Variants in KCNH1 observed in about 807,000 individuals in gnomAD.
KCNH1 encodes the protein voltage-gated delayed rectifier potassium channel KCNH1.
KCNH1 carries 27 observed loss-of-function variants against 69.2 expected under a neutral mutation model. The observed-to-expected ratio is 0.39, with a 90% CI of 0.29 to 0.54. KCNH1 has a LOEUF of 0.54. Among genes scored for constraint, KCNH1 ranks in the 20% least tolerant of loss-of-function variants. The pLI is 0.68. For missense variants in KCNH1, 798 were observed against 1,261.6 expected, an observed-to-expected ratio of 0.63 and a Z score of 5.57; for synonymous variants, 456 against 487.7, an observed-to-expected ratio of 0.93 and a Z score of 0.86.
At chr1:210,743,039 C>A (rs1284783023) in intron 10 of KCNH1, among the ~76,000 whole-genome samples, 1 of 152,044 alleles carries the variant, frequency 6.6e-6, no homozygotes. Flanking sequence ...AGGAAGGGGG[C>A]CATTTGTAAA....
At chr1:210,809,605 A>G (rs1400059296) in intron 7 of KCNH1, among the ~76,000 whole-genome samples, 3 of 152,192 alleles carry the variant, frequency 2.0e-5, no homozygotes, top group Non-Finnish European at 4.4e-5. Context: ...TGAACCAAGG[A>G]TGGAGTTTTT....
chr1:210,716,692 T>C (rs1299149844), intron 10 of KCNH1, among the ~76,000 whole-genome samples: 1 of 152,182 alleles, frequency 6.6e-6, no homozygotes, highest in Non-Finnish European at 1.5e-5. Flanking sequence ...TCAGGCTCTA[T>C]TGGTTGTGAT....
At chr1:210,982,344 T>C (rs1376786179) in intron 6 of KCNH1, among the ~76,000 whole-genome samples, 3 of 152,086 alleles carry the variant, frequency 2.0e-5, no homozygotes, top group Non-Finnish European at 2.9e-5. Flanking sequence ...TACGTATACA[T>C]GTGCCATGTT....
intron 5 of KCNH1, among the ~76,000 whole-genome samples, chr1:211,061,531 A>G (rs1690433455): frequency 6.6e-6 from 1 of 152,148 alleles, no homozygotes; most frequent in South Asian, 2.1e-4. Flanking sequence ...GGAAGAAGTC[A>G]TTGTTTGCAG....
At chr1:211,066,778 C>A (rs1389238656) in intron 5 of KCNH1, among the ~76,000 whole-genome samples, 1 of 152,164 alleles carries the variant, frequency 6.6e-6, no homozygotes, top group African/African-American at 2.4e-5. Flanking sequence ...TAGACTGTAA[C>A]CTTTAATGCT....
intron 1 of KCNH1, among the ~76,000 whole-genome samples, chr1:211,130,144 A>C (rs971690578): frequency 4.6e-5 from 7 of 152,228 alleles, no homozygotes; most frequent in African/African-American, 1.7e-4. Flanking sequence ...CATGAATATA[A>C]AGAGAAACAG....
intron 7 of KCNH1, among the ~76,000 whole-genome samples, chr1:210,811,610 G>T (rs1217237798): frequency 6.6e-6 from 1 of 152,104 alleles, no homozygotes; most frequent in African/African-American, 2.4e-5. Flanking sequence ...ATATAAACAT[G>T]TGCATTCAGC....
At chr1:210,912,796 A>G (rs1687260075) in intron 7 of KCNH1, among the ~76,000 whole-genome samples, 1 of 152,226 alleles carries the variant, frequency 6.6e-6, no homozygotes, top group East Asian at 1.9e-4. Context: ...ACTGGTTCCA[A>G]AATGTAGGCT....
chr1:210,861,126 C>T (rs1371122310), intron 7 of KCNH1: 4 of 896,268 alleles, frequency 4.5e-6, no homozygotes, highest in Admixed American at 3.5e-5. Context: ...GAAATGAAAT[C>T]TTCAGACACA....
At chr1:210,902,539 C>G (rs117954265) in intron 7 of KCNH1, among the ~76,000 whole-genome samples, 1 of 152,180 alleles carries the variant, frequency 6.6e-6, no homozygotes, top group Non-Finnish European at 1.5e-5. Context: ...TCATTGCTGC[C>G]GGGCAGCCCG....
intron 7 of KCNH1, among the ~76,000 whole-genome samples, chr1:210,811,272 C>G (rs1684695666): frequency 6.6e-6 from 1 of 152,208 alleles, no homozygotes; most frequent in Non-Finnish European, 1.5e-5. Context: ...GGCCTAAATA[C>G]TTGCTAAGCA....
chr1:211,071,181 T>C (rs1267513244), intron 5 of KCNH1, among the ~76,000 whole-genome samples: 2 of 152,238 alleles, frequency 1.3e-5, no homozygotes, highest in Non-Finnish European at 2.9e-5. Flanking sequence ...CTGTTTCCAA[T>C]ATGAATAGTC....
At chr1:211,115,888 A>C (rs1691570902) in intron 1 of KCNH1, among the ~76,000 whole-genome samples, 1 of 151,900 alleles carries the variant, frequency 6.6e-6, no homozygotes, top group Non-Finnish European at 1.5e-5. Flanking sequence ...TAATCCCAAC[A>C]CTTTAAGAGG....
At chr1:210,839,007 C>T (rs577789057) in intron 7 of KCNH1, among the ~76,000 whole-genome samples, 1 of 152,270 alleles carries the variant, frequency 6.6e-6, no homozygotes, top group South Asian at 2.1e-4. Flanking sequence ...GTGGAGATTC[C>T]TCAAAGACCT....
At chr1:210,695,140 G>C (rs574473229) in intron 10 of KCNH1, among the ~76,000 whole-genome samples, 17 of 152,354 alleles carry the variant, frequency 1.1e-4, no homozygotes, top group Middle Eastern at 3.4e-3. Flanking sequence ...TCTTAGCCAT[G>C]GATGGGGCCA....
chr1:210,969,246 A>T (rs1231301361), intron 6 of KCNH1, among the ~76,000 whole-genome samples: 1 of 151,896 alleles, frequency 6.6e-6, no homozygotes, highest in Non-Finnish European at 1.5e-5. Context: ...CACCATGCTT[A>T]TGTGTTTTGG....
In KCNH1 at chr1:210,943,914, A is replaced by G. The variant is rs139210147; in HGVS notation, c.1033-23845T>C. On this transcript the variant is annotated intron_variant, in intron 6 of 10. Coordinates refer to ENST00000271751, the MANE Select transcript of KCNH1 (RefSeq NM_172362.3). Reference sequence around the variant, plus strand: ...TGTACATTCCATGGGGACTCAGTAGATACCGGTTTCCCACATATACTGGGC... The same window carrying G: ...TGTACATTCCATGGGGACTCAGTAGGTACCGGTTTCCCACATATACTGGGC... 3.4e-3 allele frequency among the ~76,000 whole-genome samples: 522 copies of G among 152,302 alleles called. 4 individuals are homozygous for G. Among genetic ancestry groups the G allele is most frequent in the Middle Eastern group, 6.8e-3 (2 of 294 alleles).
chr1:210,955,741 C>T (rs887593084), intron 6 of KCNH1, among the ~76,000 whole-genome samples: 9 of 151,922 alleles, frequency 5.9e-5, no homozygotes, highest in African/African-American at 2.2e-4. Context: ...GTGATTTTTG[C>T]ACATTGATTT....
intron 1 of KCNH1, among the ~76,000 whole-genome samples, chr1:211,119,774 G>A (rs2102496562): frequency 6.6e-6 from 1 of 152,310 alleles, no homozygotes; most frequent in African/African-American, 2.4e-5. Context: ...GAACTCTCAA[G>A]AGATTCAATA....
Sources: gnomAD v4.1 joint callset for allele counts (sites outside exome capture counted in the v4.1 genomes callset) on GRCh38, gnomAD v4.1.1 for gene constraint, MANE v1.5 for transcripts, NCBI Gene and HGNC (gene_info 2026-07-23, HGNC 2026-07-21) for gene names.